The following DCC variants were observed in gnomAD, a reference collection of about 807,000 sequenced individuals.
DCC encodes netrin receptor DCC.
Under a neutral mutation model 172.5 loss-of-function variants are expected in DCC, and 58 were observed. The ratio of observed to expected loss-of-function variants is 0.34; its 90% CI spans 0.27 to 0.42. The LOEUF is 0.42. Ranked by LOEUF, DCC falls within the 10% of genes least tolerant of loss-of-function variation. The pLI, the probability that DCC is intolerant of heterozygous loss-of-function variation, is 1.00. For missense variants in DCC, 1,740 were observed against 1,791.0 expected (o/e 0.97, Z 0.51); for synonymous variants, 709 against 644.5 (o/e 1.10, Z -1.52).
chr18:52,503,625 A>G (rs1217032136), intron 1 of DCC, among the ~76,000 whole-genome samples: 2 of 152,148 alleles, frequency 1.3e-5, no homozygotes, highest in African/African-American at 4.8e-5. Context: ...CCATGGGTCC[A>G]TCTCTTCTTG....
At chr18:52,375,289 G>A (rs1051498632) in intron 1 of DCC, among the ~76,000 whole-genome samples, 3 of 151,952 alleles carry the variant, frequency 2.0e-5, no homozygotes, top group African/African-American at 7.3e-5. Flanking sequence ...CTGAGTGGAC[G>A]TGAACTTAAG....
chr18:52,886,682 T>C (rs7231265), intron 2 of DCC, among the ~76,000 whole-genome samples: 1,565 of 152,196 alleles, frequency 0.01, 31 homozygotes, highest in African/African-American at 0.036. Context: ...GGGATGGTGT[T>C]GATGATTCAA....
intron 5 of DCC, among the ~76,000 whole-genome samples, chr18:52,953,242 T>C (rs1223780343): frequency 2.0e-5 from 3 of 152,166 alleles, no homozygotes; most frequent in Non-Finnish European, 4.4e-5. Flanking sequence ...TGAACTTTCA[T>C]TCTCAGTGCT....
chr18:52,700,421 A>T (rs1375639372), intron 1 of DCC, among the ~76,000 whole-genome samples: 2 of 151,922 alleles, frequency 1.3e-5, no homozygotes, highest in East Asian at 3.9e-4. Flanking sequence ...ACATGCACAC[A>T]CACACAGAAT....
chr18:52,557,823 C>A (rs756553976), intron 1 of DCC, among the ~76,000 whole-genome samples: 7 of 152,114 alleles, frequency 4.6e-5, no homozygotes, highest in Non-Finnish European at 1.0e-4. Flanking sequence ...CCATGCCTGG[C>A]TAATTTTGGT....
chr18:52,509,371 G>A (rs1050898538), intron 1 of DCC, among the ~76,000 whole-genome samples: 4 of 151,966 alleles, frequency 2.6e-5, no homozygotes, highest in Non-Finnish European at 4.4e-5. Flanking sequence ...TTTTCATGTG[G>A]CAGCTCCAAA....
At chr18:52,725,161 G>A (rs534899272) in intron 1 of DCC, among the ~76,000 whole-genome samples, 2 of 152,226 alleles carry the variant, frequency 1.3e-5, no homozygotes, top group East Asian at 3.9e-4. Flanking sequence ...TGAGGCTCAG[G>A]CACCTTTTTC....
intron 2 of DCC, among the ~76,000 whole-genome samples, chr18:52,783,323 C>G (rs983527407): frequency 3.2e-4 from 19 of 59,266 alleles, no homozygotes; most frequent in African/African-American, 1.5e-3. Flanking sequence ...TACTACTACT[C>G]TTTTTTTTTT....
chr18:52,847,227 C>T (rs941522147), intron 2 of DCC, among the ~76,000 whole-genome samples: 1 of 152,098 alleles, frequency 6.6e-6, no homozygotes, highest in Non-Finnish European at 1.5e-5. Flanking sequence ...CTCTGTGTTT[C>T]ACACTTATAT....
At chr18:53,492,094 G>C (rs192909591) in intron 26 of DCC, among the ~76,000 whole-genome samples, 1 of 152,064 alleles carries the variant, frequency 6.6e-6, no homozygotes, top group African/African-American at 2.4e-5. Context: ...ATGTTTGTTG[G>C]CTGCATAAAT....
chr18:53,113,712 G>T (rs1304983494), intron 7 of DCC, among the ~76,000 whole-genome samples: 4 of 73,918 alleles, frequency 5.4e-5, no homozygotes, highest in Admixed American at 3.9e-4. Context: ...TCAAAAACCT[G>T]CTTTTTTTTT....
At chr18:52,893,174 T>G (rs1043137421) in intron 2 of DCC, among the ~76,000 whole-genome samples, 1 of 152,136 alleles carries the variant, frequency 6.6e-6, no homozygotes, top group Admixed American at 6.6e-5. Context: ...TCCTTTTTTT[T>G]GTCTCTCTCT....
At chr18:53,115,705 C>A (rs988396304) in intron 7 of DCC, among the ~76,000 whole-genome samples, 1 of 151,528 alleles carries the variant, frequency 6.6e-6, no homozygotes, top group African/African-American at 2.4e-5. Flanking sequence ...TGATAAAAAT[C>A]TATTTTAGGA....
At chr18:52,652,737 T>TGTGTGG (rs971665914) in intron 1 of DCC, among the ~76,000 whole-genome samples, 11 of 151,712 alleles carry the variant, frequency 7.3e-5, no homozygotes, top group Admixed American at 1.3e-4. Flanking sequence ...TGTGTGTGTG[T>TGTGTGG]GTGGGTGGAG....
chr18:52,740,931 A>G (rs1297816436), intron 1 of DCC, among the ~76,000 whole-genome samples: 1 of 152,168 alleles, frequency 6.6e-6, no homozygotes, highest in African/African-American at 2.4e-5. Flanking sequence ...GTGTGAACTC[A>G]TAGACTTTTA....
chr18:53,022,040 A>G (rs1028430691), intron 5 of DCC, among the ~76,000 whole-genome samples: 33 of 152,272 alleles, frequency 2.2e-4, no homozygotes, highest in African/African-American at 7.9e-4. Flanking sequence ...GGTTATATTA[A>G]TATTCTGTTT....
At chr18:52,433,099 A>C (rs1305927110) in intron 1 of DCC, among the ~76,000 whole-genome samples, 1 of 152,196 alleles carries the variant, frequency 6.6e-6, no homozygotes, top group Non-Finnish European at 1.5e-5. Context: ...TGTGAGCATT[A>C]TATTCATTTT....
At chr18:52,541,875 G>GTATATATATATATATATATGTA (rs1555695199) in intron 1 of DCC, among the ~76,000 whole-genome samples, 3 of 115,202 alleles carry the variant, frequency 2.6e-5, no homozygotes, top group Non-Finnish European at 5.3e-5. Flanking sequence ...GTGTGTGTGT[G>GTATATATATATATATATATGTA]TATATATATA....
chr18:52,460,423 A>G (rs1347791995), intron 1 of DCC, among the ~76,000 whole-genome samples: 1 of 152,208 alleles, frequency 6.6e-6, no homozygotes, highest in Non-Finnish European at 1.5e-5. Context: ...CTTCCAAGAT[A>G]GTAAACTCTT....
Sources: gnomAD v4.1 joint callset for allele counts (sites outside exome capture counted in the v4.1 genomes callset) on GRCh38, gnomAD v4.1.1 for gene constraint, MANE v1.5 for transcripts, NCBI Gene and HGNC (gene_info 2026-07-23, HGNC 2026-07-21) for gene names.